MYO5B: variants seen among roughly 807,000 people sequenced by gnomAD.
MYO5B encodes unconventional myosin-Vb.
MYO5B carries 143 observed loss-of-function variants against 229.3 expected under a neutral mutation model. The observed-to-expected ratio is 0.62, with a 90% CI of 0.54 to 0.72. The LOEUF is 0.72. MYO5B is among the 30% of genes least tolerant of loss of function. The pLI, the probability that MYO5B is intolerant of heterozygous loss-of-function variation, is 0.00. For missense variants in MYO5B, 2,321 were observed against 2,331.0 expected (o/e 1.00, Z 0.09); for synonymous variants, 918 against 885.2 (o/e 1.04, Z -0.66).
At chr18:50,194,608 G>A (rs1226819679) in intron 1 of MYO5B, among the ~76,000 whole-genome samples, 159 bp downstream of exon 1, 1 of 152,182 alleles carries the variant, frequency 6.6e-6, no homozygotes, top group Non-Finnish European at 1.5e-5. Flanking sequence ...GCCAACCGAA[G>A]TTAGGGACTC....
intron 1 of MYO5B, among the ~76,000 whole-genome samples, chr18:50,184,914 ATATTATTT>A (rs1411901031): frequency 6.7e-6 from 1 of 148,654 alleles, no homozygotes; most frequent in East Asian, 2.0e-4. Flanking sequence ...ATATATATAT[ATATTATTT>A]TTAAGTTAGC....
chr18:50,190,167 T>C (rs1181140328), intron 1 of MYO5B, among the ~76,000 whole-genome samples: 3 of 152,232 alleles, frequency 2.0e-5, no homozygotes, highest in Non-Finnish European at 4.4e-5. Flanking sequence ...TTTAAATTTT[T>C]TGTTCCAAGT....
intron 14 of MYO5B, among the ~76,000 whole-genome samples, chr18:49,947,497 C>T (rs547719606): frequency 7.9e-5 from 12 of 152,248 alleles, no homozygotes; most frequent in Admixed American, 2.0e-4. Context: ...TTTTAATTGA[C>T]GCATAATAAC....
intron 32 of MYO5B, among the ~76,000 whole-genome samples, chr18:49,848,528 G>C (rs1399796118): frequency 3.9e-5 from 6 of 151,946 alleles, no homozygotes; most frequent in African/African-American, 1.5e-4. Context: ...GAGGATGAAG[G>C]CTGGCAGACT....
At chr18:50,015,774 G>A (rs911349769) in intron 4 of MYO5B, among the ~76,000 whole-genome samples, 1 of 152,226 alleles carries the variant, frequency 6.6e-6, no homozygotes, top group Non-Finnish European at 1.5e-5. Flanking sequence ...GGTGCTTGCA[G>A]TAGCCTCTGC....
At chr18:49,836,155 G>A (rs752864097) in intron 38 of MYO5B, among the ~76,000 whole-genome samples, 4 of 152,170 alleles carry the variant, frequency 2.6e-5, no homozygotes, top group Non-Finnish European at 5.9e-5. Context: ...TCAGGGACTG[G>A]CAATGTGTCG....
In MYO5B at chr18:50,195,003, C is replaced by G. The variant is rs1279172736; in HGVS notation, c.-210G>C. The G allele has an allele frequency of 4.9e-6, 3 of 608,408 alleles. No individual in the cohort carries two copies. Among genetic ancestry groups the G allele is most frequent in the Admixed American group, 4.6e-5 (1 of 21,548 alleles). 37.7% of individuals were successfully genotyped at this position (608,408 alleles called of 1,614,324 possible). On this transcript the variant is annotated 5_prime_UTR_variant, in exon 1 of 40. Transcript: ENST00000285039. ...CTTTACTCCCGCCGCGGCGGCGCAG[C>G]TACGGCCGGACAGGAGTTGCGAGCG... is the stretch of plus-strand genomic sequence containing the variant.
intron 8 of MYO5B, among the ~76,000 whole-genome samples, chr18:49,982,607 G>T (rs1441251058): frequency 6.6e-6 from 1 of 152,086 alleles, no homozygotes; most frequent in African/African-American, 2.4e-5. Context: ...AGTAAAACAG[G>T]GGTTGGCAAA....
chr18:50,017,464 A>T (rs2026228258), intron 4 of MYO5B, among the ~76,000 whole-genome samples: 1 of 152,206 alleles, frequency 6.6e-6, no homozygotes, highest in Non-Finnish European at 1.5e-5. Context: ...ATGTTGTAGG[A>T]TGTATCCATA....
At position 50,170,357 on chromosome 18, in the gene MYO5B, G is replaced by A. The variant is rs561303215; in HGVS notation, c.27+24410C>T. Among the ~76,000 whole-genome samples, 2 of 127,318 alleles carry A rather than the reference G, an allele frequency of 1.6e-5. 1 individual carries two copies. Among genetic ancestry groups the A allele is most frequent in the South Asian group, 5.5e-4 (2 of 3,640 alleles). The allele number at this position is 127,318 out of a possible 152,430, so 83.5% of individuals were successfully genotyped here. On this transcript the variant is annotated intron_variant, in intron 1 of 39. Transcript: ENST00000285039. ...TTGACTTTTGACTAGACCACCACAA[G>A]AACACCGCCTCTATGAGAAAGATCC... is the stretch of plus-strand genomic sequence containing the variant.
chr18:50,083,495 A>C (rs776587385), intron 1 of MYO5B, among the ~76,000 whole-genome samples: 18 of 152,036 alleles, frequency 1.2e-4, no homozygotes, highest in Non-Finnish European at 1.9e-4. Context: ...CACTTTTATC[A>C]CTCCAGAGAT....
intron 39 of MYO5B, 102 bp from the exon 40 acceptor site, chr18:49,826,725 C>T: frequency 7.3e-7 from 1 of 1,373,336 alleles, no homozygotes; most frequent in Non-Finnish European, 1.0e-6. Flanking sequence ...GGAAAGATTT[C>T]TACGACAATT....
chr18:50,194,734 G>A (rs1287538300), intron 1 of MYO5B, 33 bp downstream of exon 1: 2 of 1,444,180 alleles, frequency 1.4e-6, no homozygotes, highest in South Asian at 2.6e-5. Context: ...CGCCACCCCG[G>A]CCCCGGGGCG....
chr18:49,832,631 G>A (rs552407830), intron 39 of MYO5B, among the ~76,000 whole-genome samples: 2 of 152,264 alleles, frequency 1.3e-5, no homozygotes, highest in South Asian at 4.1e-4. Flanking sequence ...ATAGTGGCAG[G>A]GGAACCTAGA....
At chr18:50,129,319 T>A (rs182488793) in intron 1 of MYO5B, among the ~76,000 whole-genome samples, 1 of 152,344 alleles carries the variant, frequency 6.6e-6, no homozygotes, top group Non-Finnish European at 1.5e-5. Context: ...CATCCCTTTC[T>A]CCTCAAGGGA....
chr18:49,849,861 A>T, intron 31 of MYO5B: 1 of 616,982 alleles, frequency 1.6e-6, no homozygotes, highest in South Asian at 1.8e-5. Flanking sequence ...GGAGATGATG[A>T]GTCAGAGTCC....
At position 49,912,211 on chromosome 18, in the gene MYO5B, T is replaced by C. The variant is rs377761596; in HGVS notation, c.2091-38A>G. On this transcript the variant is annotated intron_variant, in intron 17 of 39. Transcript: ENST00000285039. ...CAAAGGGGCATCAGGTGACACATCC[T>C]GCCTCTTGGCCACACAAAAGCCAGG... 3 of 1,531,086 alleles carry C rather than the reference T, an allele frequency of 2.0e-6. No homozygotes were observed. The African/African-American group carries it at 4.1e-5, about 21-fold the overall frequency. 94.8% of individuals were successfully genotyped at this position (1,531,086 alleles called of 1,614,324 possible).
At chr18:49,957,413 G>A (rs2025506044) in intron 12 of MYO5B, among the ~76,000 whole-genome samples, 1 of 152,056 alleles carries the variant, frequency 6.6e-6, no homozygotes, top group South Asian at 2.1e-4. Context: ...AGGCCGAGGT[G>A]GGAGGATGGC....
intron 22 of MYO5B, among the ~76,000 whole-genome samples, chr18:49,888,202 A>G (rs898007367): frequency 1.3e-5 from 2 of 152,086 alleles, no homozygotes; most frequent in Non-Finnish European, 2.9e-5. Flanking sequence ...TCTCCTGTGC[A>G]TTACTGGGTG....
Sources: allele counts gnomAD v4.1 joint callset (sites outside exome capture counted in the v4.1 genomes callset), GRCh38; gene constraint gnomAD v4.1.1; transcripts MANE v1.5; gene names NCBI Gene and HGNC (gene_info 2026-07-23, HGNC 2026-07-21).